CPED1: variants seen among roughly 807,000 people sequenced by gnomAD.
CPED1 encodes the protein cadherin-like and PC-esterase domain-containing protein 1.
In CPED1, 114 loss-of-function variants were observed where a neutral mutation model predicts 128.2. The ratio of observed to expected loss-of-function variants is 0.89; its 90% CI spans 0.76 to 1.04. The LOEUF is 1.04. Among genes scored for constraint, CPED1 ranks in the 50% least tolerant of loss-of-function variants. CPED1 has a pLI of 0.00. For synonymous variants in CPED1, 462 were observed against 426.7 expected (o/e 1.08, Z -1.02); for missense variants, 1,211 against 1,207.1 (o/e 1.00, Z -0.05).
intron 2 of CPED1, among the ~76,000 whole-genome samples, chr7:121,007,487 G>A (rs919010603): frequency 1.3e-5 from 2 of 152,058 alleles, no homozygotes; most frequent in South Asian, 2.1e-4. Context: ...AATCATGACC[G>A]ATCTATAAGG....
At chr7:121,274,561 A>G (rs1792296902) in intron 22 of CPED1, among the ~76,000 whole-genome samples, 1 of 152,096 alleles carries the variant, frequency 6.6e-6, no homozygotes, top group Non-Finnish European at 1.5e-5. Flanking sequence ...AGCTTCTGGG[A>G]GCATTTGCTG....
At chr7:121,052,270 T>C (rs1259382145) in intron 4 of CPED1, among the ~76,000 whole-genome samples, 9 of 152,206 alleles carry the variant, frequency 5.9e-5, no homozygotes, top group Admixed American at 5.9e-4. Context: ...TCATTCAGTA[T>C]AGACCAAGGT....
chr7:121,245,236 ATCT>A (rs370519280), intron 18 of CPED1, among the ~76,000 whole-genome samples: 1 of 152,220 alleles, frequency 6.6e-6, no homozygotes, highest in African/African-American at 2.4e-5. Context: ...AAAGATGGAC[ATCT>A]TCTTCATGGT....
intron 16 of CPED1, among the ~76,000 whole-genome samples, chr7:121,145,166 TG>T (rs574704489): frequency 7.9e-5 from 12 of 152,000 alleles, no homozygotes; most frequent in Non-Finnish European, 1.2e-4. Flanking sequence ...TTATGTATAC[TG>T]CATATAAATT....
At chr7:121,118,699 T>A (rs572453763) in intron 7 of CPED1, among the ~76,000 whole-genome samples, 13 of 152,296 alleles carry the variant, frequency 8.5e-5, no homozygotes, top group Middle Eastern at 3.4e-3. Flanking sequence ...CTCACCGTCC[T>A]GCAGGTTGTA....
chr7:121,295,170 CA>C (rs1792798090), intron 22 of CPED1, among the ~76,000 whole-genome samples: 2 of 151,742 alleles, frequency 1.3e-5, no homozygotes, highest in Admixed American at 1.3e-4. Context: ...CACACACACA[CA>C]CACAAAGACT....
intron 16 of CPED1, among the ~76,000 whole-genome samples, chr7:121,202,783 G>A (rs1295393773): frequency 2.0e-5 from 3 of 152,078 alleles, no homozygotes; most frequent in Non-Finnish European, 4.4e-5. Context: ...CATTTTGCAA[G>A]TGGTGAGCCT....
intron 7 of CPED1, among the ~76,000 whole-genome samples, chr7:121,102,419 T>G (rs1404261214): frequency 6.6e-6 from 1 of 152,184 alleles, no homozygotes; most frequent in Non-Finnish European, 1.5e-5. Flanking sequence ...AGGGACAGAA[T>G]GTGCTCCAAA....
intron 16 of CPED1, among the ~76,000 whole-genome samples, chr7:121,215,127 G>A (rs1261028995): frequency 6.6e-6 from 1 of 151,942 alleles, no homozygotes; most frequent in African/African-American, 2.4e-5. Context: ...ACCATGTTCC[G>A]ATGCCATACA....
intron 4 of CPED1, among the ~76,000 whole-genome samples, chr7:121,060,343 G>GGCAGCTCCACCT (rs1438583537): frequency 4.6e-5 from 7 of 152,376 alleles, no homozygotes; most frequent in Admixed American, 4.6e-4. Context: ...GGGACTGGCA[G>GGCAGCTCCACCT]GCAGCTCCAC....
At chr7:121,234,939 T>A (rs1236844872) in intron 16 of CPED1, among the ~76,000 whole-genome samples, 1 of 152,162 alleles carries the variant, frequency 6.6e-6, no homozygotes, top group Non-Finnish European at 1.5e-5. Context: ...ATATCCCTTA[T>A]GTTTTTCTAG....
At chr7:121,048,176 T>A (rs1007868441) in intron 4 of CPED1, among the ~76,000 whole-genome samples, 1 of 152,154 alleles carries the variant, frequency 6.6e-6, no homozygotes, top group Non-Finnish European at 1.5e-5. Context: ...TTCCGAAATC[T>A]ACCTAGGTAC....
intron 16 of CPED1, among the ~76,000 whole-genome samples, chr7:121,214,176 A>G (rs952480784): frequency 1.3e-5 from 2 of 152,108 alleles, no homozygotes; most frequent in Non-Finnish European, 1.5e-5. Flanking sequence ...TCTCTTGCCA[A>G]CATGATGAGG....
intron 16 of CPED1, among the ~76,000 whole-genome samples, chr7:121,223,463 TG>T (rs1468239676): frequency 6.6e-6 from 1 of 152,210 alleles, no homozygotes; most frequent in Admixed American, 6.5e-5. Flanking sequence ...AGGATGATGC[TG>T]GCCTCATAAA....
At chr7:121,088,051 A>G (rs1026831461) in intron 5 of CPED1, among the ~76,000 whole-genome samples, 1 of 152,146 alleles carries the variant, frequency 6.6e-6, no homozygotes, top group Non-Finnish European at 1.5e-5. Context: ...ATTTTCTCTA[A>G]GATACTTAAT....
chr7:121,100,186 C>A, intron 7 of CPED1, 92 bp downstream of exon 7: 1 of 1,073,572 alleles, frequency 9.3e-7, no homozygotes. Flanking sequence ...TTATGGTTAT[C>A]AAATCCCATT....
chr7:121,271,424 C>T lies in CPED1; in HGVS notation c.2862C>T (p.Phe954=), dbSNP rs1418776754. 1.9e-6 allele frequency: 3 copies of T among 1,612,026 alleles called. No individual in the cohort carries two copies. Among genetic ancestry groups the T allele is most frequent in the Non-Finnish European group, 2.5e-6 (3 of 1,178,818 alleles). The change falls in exon 22 of 23, where the codon TTC becomes TTT. Residue 954 remains phenylalanine, a synonymous_variant. Transcript: ENST00000310396. ...TACAGGGGAAGTGTGGATGTCATTT[C>T]CATGAGGTATTTATGCTGGCTATCT... ...EFLQGKCGCH[F]HEVVKSKLSK...
At chr7:121,182,733 C>T (rs777039855) in intron 16 of CPED1, among the ~76,000 whole-genome samples, 5 of 151,932 alleles carry the variant, frequency 3.3e-5, no homozygotes, top group African/African-American at 4.8e-5. Context: ...TCTAGTCCTC[C>T]GCTTGCTATT....
intron 3 of CPED1, among the ~76,000 whole-genome samples, chr7:121,022,158 A>G (rs1179144739): frequency 2.6e-5 from 4 of 152,048 alleles, no homozygotes; most frequent in Non-Finnish European, 1.5e-5. Flanking sequence ...AATATTTATT[A>G]AATACATGAA....
Sources: gnomAD v4.1 joint callset for allele counts (sites outside exome capture counted in the v4.1 genomes callset) on GRCh38, gnomAD v4.1.1 for gene constraint, MANE v1.5 for transcripts, NCBI Gene and HGNC (gene_info 2026-07-23, HGNC 2026-07-21) for gene names.